FRMD8: variants seen among roughly 807,000 people sequenced by gnomAD.
FRMD8 encodes the protein FERM domain containing 8, also known as FERM domain-containing protein 8.
In FRMD8, 37 loss-of-function variants were observed where a neutral mutation model predicts 54.2. The ratio of observed to expected loss-of-function variants is 0.68; its 90% CI spans 0.53 to 0.90. FRMD8 has a LOEUF of 0.90. FRMD8 is among the 40% of genes least tolerant of loss of function. FRMD8 has a pLI of 0.00. For synonymous variants in FRMD8, 246 were observed against 286.9 expected (o/e 0.86, Z 1.44); for missense variants, 585 against 653.7 (o/e 0.89, Z 1.15).
In FRMD8 at chr11:65,394,295, G is replaced by A; in HGVS notation, c.451G>A (p.Glu151Lys). Residue 151 changes from glutamate (E) to lysine (K), a missense_variant, in exon 6 of 11, where the codon GAG becomes AAG. Coordinates refer to ENST00000317568, the MANE Select transcript of FRMD8 (RefSeq NM_031904.5). ...GGAGGTCCTGCGGCTGCTCTATGAG[G>A]AGGCCAAGGGCAACGTGCTGGCTGC... ...DEEVLRLLYE[E>K]AKGNVLAARY... 1.3e-6 allele frequency: 2 copies of A among 1,595,844 alleles called. No homozygotes were observed.
Position 65,389,527 on chromosome 11 carries a change from G to A in FRMD8, c.252G>A (p.Leu84=), listed in dbSNP as rs548185455. The part of the protein sequence containing the change: ...VFALWLVSPL[L]EVQLKPKHQP... ...CGCTCTGGCTGGTCTCCCCTCTGCT[G>A]GGTAAGGCTTGGCAGTGAGGAGCCC... is the stretch of plus-strand genomic sequence containing the variant. The change falls in exon 3 of 11, where the codon CTG becomes CTA. Residue 84 remains leucine (L), a splice_region_variant and synonymous_variant. Transcript: ENST00000317568. The A allele has an allele frequency of 2.5e-6, 4 of 1,576,946 alleles. No homozygotes were observed. Among genetic ancestry groups the A allele is most frequent in the Admixed American group, 3.6e-5 (2 of 54,960 alleles).
chr11:65,408,151 C>T (rs545809676), intron 10 of FRMD8, among the ~76,000 whole-genome samples: 8 of 151,162 alleles, frequency 5.3e-5, no homozygotes, highest in Admixed American at 3.3e-4. Context: ...ATCGGCTCAC[C>T]GCAACCTCCA....
rs1244576172 is a variant in FRMD8, at chr11:65,412,459, A to C, written c.*1099A>C. The C allele has an allele frequency of 1.3e-5, 2 of 152,438 alleles. No individual in the cohort carries two copies. The highest frequency in any genetic ancestry group is 2.4e-5 in the African/African-American group (1 of 41,602). 9.4% of individuals were successfully genotyped at this position (152,438 alleles called of 1,614,324 possible). A position where few individuals can be genotyped will look rare whatever the true frequency, so the allele number is the denominator to read the frequency against. On this transcript the variant is annotated 3_prime_UTR_variant, in exon 11 of 11. Coordinates refer to ENST00000317568, the MANE Select transcript of FRMD8 (RefSeq NM_031904.5). ...TCTTCTTTATCGAGGACACTTGGAA[A>C]GGTGACTGATATGGGTGCTTGGCTT...
chr11:65,376,487 T>C, the FRMD8 span: 1 of 1,614,176 alleles, frequency 6.2e-7, no homozygotes, highest in South Asian at 1.1e-5. Flanking sequence ...CTGTTGATGG[T>C]GACCCCCCGG....
At chr11:65,401,477 C>T (rs1192040240) in intron 9 of FRMD8, among the ~76,000 whole-genome samples, 1 of 148,784 alleles carries the variant, frequency 6.7e-6, no homozygotes, top group Non-Finnish European at 1.5e-5. Context: ...CCACCCCTTC[C>T]TCCTTTCATC....
chr11:65,389,217 T>G, intron 2 of FRMD8, 144 bp from the exon 3 acceptor site: 1 of 738,308 alleles, frequency 1.4e-6, no homozygotes, highest in South Asian at 1.7e-5. Context: ...GCGAGGACTC[T>G]GTCTCAGGAG....
Position 65,389,427 on chromosome 11 carries a change from C to T in FRMD8, c.152C>T (p.Ser51Leu), listed in dbSNP as rs764550211. The change falls in exon 3 of 11, where the codon TCG (serine) becomes TTG (leucine). Residue 51 changes from serine (S) to leucine (L), a missense_variant. By Grantham distance (145) the Ser-to-Leu change is moderately radical (BLOSUM62 -2). Transcript: ENST00000317568. The stretch of plus-strand genomic sequence containing the variant: ...CCCCTGGCTGTGGAGAACCTGCCCT[C>T]GCTCAGTGCCCATGAGCTGCACCGC... ...VVPLAVENLPSLSAHELHRAV... is the reference protein window; with the variant it reads ...VVPLAVENLPLLSAHELHRAV... The T allele has an allele frequency of 1.3e-5, 21 of 1,610,298 alleles. No homozygotes were observed. Among genetic ancestry groups the T allele is most frequent in the East Asian group, 2.2e-5 (1 of 44,896 alleles).
At chr11:65,402,816 C>CTT (rs926102011) in intron 9 of FRMD8, among the ~76,000 whole-genome samples, 84 of 145,680 alleles carry the variant, frequency 5.8e-4, no homozygotes, top group African/African-American at 2.0e-3. Context: ...TTATCCATTT[C>CTT]TTTTTTTTTT....
rs1256916765 is a variant in FRMD8, at chr11:65,400,061, C to T, written c.927+202C>T. On this transcript the variant is annotated intron_variant, in intron 8 of 10. Transcript: ENST00000317568. This position sits in a 1 kb window ranked among gnomAD's most constrained non-coding sequence, Gnocchi z 4.3. ...CCAACATGCTAGGCTGTGGGGTGGCCGGGGCAGGGGAGGCCGCAGCTGGGA... is the reference window on the plus strand; with the variant it reads ...CCAACATGCTAGGCTGTGGGGTGGCTGGGGCAGGGGAGGCCGCAGCTGGGA... 2.0e-5 allele frequency among the ~76,000 whole-genome samples: 3 copies of T among 152,114 alleles called. No homozygotes were observed. Among genetic ancestry groups the T allele is most frequent in the African/African-American group, 7.2e-5 (3 of 41,428 alleles).
At chr11:65,379,698 G>A in the FRMD8 span, 15 of 1,245,794 alleles carry the variant, frequency 1.2e-5, no homozygotes, top group Middle Eastern at 2.2e-4. Flanking sequence ...GCAGGGATGG[G>A]CTGAGGCTGC....
chr11:65,411,048 G>A (rs1021488395), intron 10 of FRMD8, among the ~76,000 whole-genome samples, 194 bp from the exon 11 acceptor site: 13 of 152,290 alleles, frequency 8.5e-5, no homozygotes, highest in African/African-American at 2.4e-4. Context: ...ACCTTAGGTC[G>A]GCAGTGTTAG....
Position 65,389,418 on chromosome 11 carries a change from A to G in FRMD8, c.143A>G (p.Asn48Ser), listed in dbSNP as rs1855796357. 1.2e-6 allele frequency: 2 copies of G among 1,610,664 alleles called. No individual in the cohort carries two copies. Among genetic ancestry groups the G allele is most frequent in the African/African-American group, 1.3e-5 (1 of 75,044 alleles). The stretch of plus-strand genomic sequence containing the variant: ...ACGGTGGTGCCCCTGGCTGTGGAGA[A>G]CCTGCCCTCGCTCAGTGCCCATGAG... ...DDTVVPLAVE[N>S]LPSLSAHELH... Residue 48 changes from asparagine (N) to serine (S), a missense_variant, in exon 3 of 11, where the codon AAC (asparagine) becomes AGC (serine). Coordinates refer to ENST00000317568, the MANE Select transcript of FRMD8 (RefSeq NM_031904.5).
At chr11:65,380,168 C>T in the FRMD8 span, 1 of 1,614,070 alleles carries the variant, frequency 6.2e-7, no homozygotes, top group African/African-American at 1.3e-5. Flanking sequence ...GGACCAAGCC[C>T]AGAGCGCCTG....
chr11:65,385,885 C>T (rs1194890893), upstream of FRMD8, among the ~76,000 whole-genome samples: 1 of 150,388 alleles, frequency 6.6e-6, no homozygotes, highest in African/African-American at 2.5e-5. Flanking sequence ...GGCTCCGCCC[C>T]CTGGGGTTCA....
chr11:65,379,373 C>CA, the FRMD8 span: 7 of 1,607,922 alleles, frequency 4.4e-6, no homozygotes, highest in Non-Finnish European at 5.9e-6. Flanking sequence ...ACTGCCCCCT[C>CA]ACCTGCAGGA....
At chr11:65,407,982 T>G (rs974298820) in intron 10 of FRMD8, among the ~76,000 whole-genome samples, 2 of 152,142 alleles carry the variant, frequency 1.3e-5, no homozygotes, top group African/African-American at 4.8e-5. Flanking sequence ...GGCTGTAGCT[T>G]TGACTTTTTC....
In FRMD8 at chr11:65,404,030, C is replaced by T. The variant is rs1161249040; in HGVS notation, c.1072-834C>T. Reference sequence around the variant, plus strand: ...GCGTGGAGAGCCCACCAGGCCTCTGCTCTTCCTTCTGGGCCGAGCAGCGGT... The same window carrying T: ...GCGTGGAGAGCCCACCAGGCCTCTGTTCTTCCTTCTGGGCCGAGCAGCGGT... On this transcript the variant is annotated intron_variant, in intron 9 of 10. Transcript: ENST00000317568. This position sits in a 1 kb window ranked among gnomAD's most constrained non-coding sequence, Gnocchi z 4.7. 1.3e-5 allele frequency among the ~76,000 whole-genome samples: 2 copies of T among 152,260 alleles called. No individual in the cohort carries two copies. The highest frequency in any genetic ancestry group is 3.9e-4 in the East Asian group (2 of 5,176).
Position 65,394,391 on chromosome 11 carries a change from T to A in FRMD8, c.547T>A (p.Tyr183Asn). The A allele has an allele frequency of 6.4e-7, 1 of 1,572,650 alleles. No individual in the cohort carries two copies. Among genetic ancestry groups the A allele is most frequent in the Non-Finnish European group, 8.6e-7 (1 of 1,160,810 alleles). ...GGTGTGCCGCGTGCAGCTTGGGCCC[T>A]ACCAGCCCGGCCGGCCGGCAGCCTG... ...ALVCRVQLGP[Y>N]QPGRPAACDL... is the part of the protein sequence containing the mutation. Residue 183 changes from tyrosine (Y) to asparagine (N), a missense_variant, in exon 6 of 11, where the codon TAC (tyrosine) becomes AAC (asparagine). Transcript: ENST00000317568.
Position 65,400,922 on chromosome 11 carries a change from G to T in FRMD8, c.1071+55G>T, listed in dbSNP as rs943492400. ...GGGAGGCTGGGCCCAGGTGCCCTGGGTCCCAGACAATTAGAGGCACCAGGC... is the reference window on the plus strand; with the variant it reads ...GGGAGGCTGGGCCCAGGTGCCCTGGTTCCCAGACAATTAGAGGCACCAGGC... On this transcript the variant is annotated intron_variant, in intron 9 of 10. Transcript: ENST00000317568. The surrounding 1 kb of genome is among the most constrained non-coding windows in gnomAD (Gnocchi z 4.3). 2.0e-6 allele frequency: 3 copies of T among 1,529,052 alleles called. No homozygotes were observed. In the Admixed American group the frequency reaches 6.2e-5, roughly 32 times the overall value. The allele number at this position is 1,529,052 out of a possible 1,614,324, so 94.7% of individuals were successfully genotyped here.
Sources: gnomAD v4.1 joint callset for allele counts (sites outside exome capture counted in the v4.1 genomes callset) on GRCh38, gnomAD v4.1.1 for gene constraint, Gnocchi (gnomAD v3.1) non-coding constraint, MANE v1.5 for transcripts, NCBI Gene and HGNC (gene_info 2026-07-23, HGNC 2026-07-21) for gene names.